Variants in ELP3 observed in about 807,000 individuals in gnomAD.
ELP3 encodes the protein elongator complex protein 3.
ELP3 carries 56 observed loss-of-function variants against 74.9 expected under a neutral mutation model. The ratio of observed to expected loss-of-function variants is 0.75; its 90% CI spans 0.60 to 0.93. The LOEUF is 0.93. Ranked by LOEUF, ELP3 falls within the 40% of genes least tolerant of loss-of-function variation. The probability of loss-of-function intolerance (pLI) is 0.00; values close to 1 mark genes in which losing one functional copy is unlikely to be tolerated. For synonymous variants in ELP3, 222 were observed against 239.8 expected (o/e 0.93, Z 0.68); for missense variants, 573 against 686.5 (o/e 0.83, Z 1.85).
At chr8:28,180,790 C>T (rs1363491680) in intron 14 of ELP3, among the ~76,000 whole-genome samples, 7 of 152,160 alleles carry the variant, frequency 4.6e-5, no homozygotes, top group African/African-American at 1.4e-4. Context: ...CCAATCCCTC[C>T]TCCCAATTCA....
intron 10 of ELP3, among the ~76,000 whole-genome samples, chr8:28,139,282 G>A (rs1178886870): frequency 7.0e-6 from 1 of 142,278 alleles, no homozygotes; most frequent in African/African-American, 2.5e-5. Context: ...GATATATTAA[G>A]GATACTGGGT....
rs534818177 is a variant in ELP3, at chr8:28,097,280, T to A, written c.81T>A (p.Ile27=). ...LTIGDVIKQL[I]EAHEQGKDID... ...TAGGAGATGTTATTAAACAACTGATTGAAGCCCACGAGCAGGGGAAAGACA... is the reference window on the plus strand; with the variant it reads ...TAGGAGATGTTATTAAACAACTGATAGAAGCCCACGAGCAGGGGAAAGACA... The change falls in exon 2 of 15, where the codon ATT becomes ATA. Residue 27 remains isoleucine, a synonymous_variant. Coordinates refer to ENST00000256398, the MANE Select transcript of ELP3 (RefSeq NM_018091.6). The A allele has an allele frequency of 8.1e-6, 13 of 1,614,036 alleles. No homozygotes were observed. The highest frequency in any genetic ancestry group is 1.0e-5 in the Non-Finnish European group (12 of 1,179,948).
At chr8:28,161,847 G>A (rs1814104942) in intron 13 of ELP3, 150 bp from the exon 14 acceptor site, 1 of 640,840 alleles carries the variant, frequency 1.6e-6, no homozygotes, top group African/African-American at 1.8e-5. Context: ...AGGATTGAAT[G>A]GTTTCTTTTT....
chr8:28,115,356 A>G (rs1812086455), intron 7 of ELP3, among the ~76,000 whole-genome samples: 1 of 152,228 alleles, frequency 6.6e-6, no homozygotes, highest in Non-Finnish European at 1.5e-5. Context: ...AGCAATTTTT[A>G]GAGCAATTCT....
At chr8:28,143,162 C>T (rs946024360) in intron 10 of ELP3, among the ~76,000 whole-genome samples, 8 of 152,232 alleles carry the variant, frequency 5.3e-5, no homozygotes, top group Middle Eastern at 3.4e-3. Context: ...TTAGACTAGG[C>T]ATATGCAGTG....
intron 2 of ELP3, among the ~76,000 whole-genome samples, chr8:28,097,521 T>C (rs1231241694): frequency 2.0e-5 from 3 of 151,898 alleles, no homozygotes; most frequent in Admixed American, 6.6e-5. Context: ...CTCAGCCTCC[T>C]GAGTAGCTGG....
chr8:28,119,578 ATATATATATATAT>A (rs1351047110), intron 7 of ELP3, among the ~76,000 whole-genome samples: 1 of 600 alleles, frequency 1.7e-3, no homozygotes, highest in Non-Finnish European at 3.0e-3. Flanking sequence ...CGTTTTATAT[ATATATATATATAT>A]ATATATATAT....
intron 7 of ELP3, among the ~76,000 whole-genome samples, chr8:28,126,107 T>C (rs2130445965): frequency 6.6e-6 from 1 of 152,260 alleles, no homozygotes; most frequent in South Asian, 2.1e-4. Context: ...CCTGTCCAGA[T>C]GGAGAGACAG....
chr8:28,095,329 C>CT (rs1375127586), intron 1 of ELP3, among the ~76,000 whole-genome samples: 1 of 152,212 alleles, frequency 6.6e-6, no homozygotes, highest in Non-Finnish European at 1.5e-5. Context: ...CCCTTTTACC[C>CT]TCCAAATAAA....
At chr8:28,096,052 A>T (rs541358530) in intron 1 of ELP3, among the ~76,000 whole-genome samples, 50 of 152,208 alleles carry the variant, frequency 3.3e-4, no homozygotes, top group South Asian at 1.0e-3. Flanking sequence ...TCACATCAGC[A>T]GTGGCATTAG....
At position 28,094,681 on chromosome 8, in the gene ELP3, G is replaced by A. The variant is rs184909656; in HGVS notation, c.19+1448G>A. 3.8e-3 allele frequency among the ~76,000 whole-genome samples: 583 copies of A among 152,186 alleles called. 3 individuals are homozygous for A. The highest frequency in any genetic ancestry group is 6.4e-3 in the Non-Finnish European group (432 of 68,006). On this transcript the variant is annotated intron_variant, in intron 1 of 14. Coordinates refer to ENST00000256398, the MANE Select transcript of ELP3 (RefSeq NM_018091.6). ...CACTTGAACCTGGGAGGTGGAGGTT[G>A]CAGTGAGCCGAGATCGCACCACTGC... is the stretch of plus-strand genomic sequence containing the variant.
intron 10 of ELP3, among the ~76,000 whole-genome samples, chr8:28,138,205 T>G (rs13250007): frequency 0.27 from 40,752 of 152,046 alleles, 6,020 homozygotes; most frequent in Admixed American, 0.33. Context: ...TGCTTCCATC[T>G]AGATGCAGTA....
At chr8:28,112,796 G>T in intron 6 of ELP3, 1 of 346,654 alleles carries the variant, frequency 2.9e-6, no homozygotes, top group Non-Finnish European at 5.2e-6. Flanking sequence ...CCTCTTATTT[G>T]TTATTTTATA....
At chr8:28,091,410 C>T (rs969564692), upstream of ELP3, among the ~76,000 whole-genome samples, 4 of 152,102 alleles carry the variant, frequency 2.6e-5, no homozygotes, top group Admixed American at 6.6e-5. Context: ...GAATTATTTT[C>T]GGTTTACAGA....
intron 7 of ELP3, among the ~76,000 whole-genome samples, chr8:28,119,358 C>A (rs1235044125): frequency 6.6e-6 from 1 of 151,866 alleles, no homozygotes; most frequent in Non-Finnish European, 1.5e-5. Flanking sequence ...ACGATACTTG[C>A]TTTATCACAT....
chr8:28,148,013 A>G (rs1009337993), intron 10 of ELP3, among the ~76,000 whole-genome samples: 2 of 152,238 alleles, frequency 1.3e-5, no homozygotes, highest in African/African-American at 4.8e-5. Flanking sequence ...ATAAGTTTGT[A>G]CTGATATACA....
At chr8:28,102,041 T>G (rs1033669416) in intron 3 of ELP3, among the ~76,000 whole-genome samples, 3 of 152,248 alleles carry the variant, frequency 2.0e-5, no homozygotes, top group Admixed American at 2.0e-4. Context: ...CTATCTTGGC[T>G]ACCTTATTGT....
intron 12 of ELP3, 35 bp from the exon 13 acceptor site, chr8:28,160,194 T>A: frequency 6.3e-7 from 1 of 1,579,232 alleles, no homozygotes; most frequent in Non-Finnish European, 8.6e-7. Context: ...TTCTTTAATT[T>A]TGAATAATAT....
At chr8:28,139,231 A>T (rs908914205) in intron 10 of ELP3, among the ~76,000 whole-genome samples, 2 of 152,238 alleles carry the variant, frequency 1.3e-5, no homozygotes, top group African/African-American at 4.8e-5. Context: ...GGAGACAGCA[A>T]GAAAAGACCA....
Sources: gnomAD v4.1 joint callset for allele counts (sites outside exome capture counted in the v4.1 genomes callset) on GRCh38, gnomAD v4.1.1 for gene constraint, MANE v1.5 for transcripts, NCBI Gene and HGNC (gene_info 2026-07-23, HGNC 2026-07-21) for gene names.